Variants in HS6ST2 observed in about 807,000 individuals in gnomAD.
HS6ST2 encodes the protein heparan sulfate 6-O-sulfotransferase 2, also known as heparan-sulfate 6-O-sulfotransferase 2.
HS6ST2 carries 17 observed loss-of-function variants against 33.0 expected under a neutral mutation model. The ratio of observed to expected loss-of-function variants is 0.52; its 90% CI spans 0.35 to 0.77. The LOEUF is 0.77. Ranked by LOEUF, HS6ST2 falls within the 30% of genes least tolerant of loss-of-function variation. HS6ST2 has a pLI of 0.01. For missense variants in HS6ST2, 519 were observed against 551.7 expected, an observed-to-expected ratio of 0.94 and a Z score of 0.59; for synonymous variants, 248 against 237.1, an observed-to-expected ratio of 1.05 and a Z score of -0.42.
chrX:132,837,332 CGTGTGTGT>C (rs10592129), intron 2 of HS6ST2, among the ~76,000 whole-genome samples: 3 of 103,328 alleles, frequency 2.9e-5, no homozygotes, highest in Admixed American at 1.0e-4. Context: ...ACAGTATAGC[CGTGTGTGT>C]GTGTGTGTGT....
chrX:132,763,482 G>A (rs1349099124), intron 2 of HS6ST2, among the ~76,000 whole-genome samples: 1 of 112,143 alleles, frequency 8.9e-6, no homozygotes, highest in Non-Finnish European at 1.9e-5. Flanking sequence ...CGGAGAAACA[G>A]CAGACAGTGC....
At chrX:132,944,344 T>G (rs901549718) in intron 2 of HS6ST2, among the ~76,000 whole-genome samples, 14 of 110,976 alleles carry the variant, frequency 1.3e-4, no homozygotes, top group Non-Finnish European at 3.8e-5. Context: ...CACTGCTCGA[T>G]GAAACAAGAG....
intron 2 of HS6ST2, among the ~76,000 whole-genome samples, chrX:132,901,738 C>T (rs2066427938): frequency 9.0e-6 from 1 of 111,162 alleles, no homozygotes; most frequent in Non-Finnish European, 1.9e-5. Flanking sequence ...TGAGATGGAC[C>T]TTGAAGAATG....
At chrX:132,905,245 A>C (rs1427955271) in intron 2 of HS6ST2, among the ~76,000 whole-genome samples, 2 of 112,154 alleles carry the variant, frequency 1.8e-5, no homozygotes, top group Non-Finnish European at 3.8e-5. Flanking sequence ...AACTGAATAT[A>C]TGAACTTTTC....
At position 132,669,165 on chromosome X, in the gene HS6ST2, C is replaced by T. The variant is rs1342110072; in HGVS notation, c.1015G>A (p.Gly339Ser). Reference sequence around the variant, plus strand: ...TTTGTGGATGACGGAGAGTTGGCGCCTGCGTTAGTGTTTGGAGAACCCCGT... The same window carrying T: ...TTTGTGGATGACGGAGAGTTGGCGCTTGCGTTAGTGTTTGGAGAACCCCGT... ...DKRGSPNTNAGANSPSSTKTR... is the reference protein window; with the variant it reads ...DKRGSPNTNASANSPSSTKTR... The change falls in exon 4 of 5, where the codon GGC (glycine) becomes AGC (serine). Residue 339 changes from glycine to serine, a missense_variant. Transcript: ENST00000370833. 4.1e-6 allele frequency: 5 copies of T among 1,210,166 alleles called. No homozygotes were observed. Among genetic ancestry groups the T allele is most frequent in the Admixed American group, 4.3e-5 (2 of 46,008 alleles).
chrX:132,939,235 T>C (rs1313731354), intron 2 of HS6ST2, among the ~76,000 whole-genome samples: 1 of 111,574 alleles, frequency 9.0e-6, no homozygotes, highest in Non-Finnish European at 1.9e-5. Flanking sequence ...ATCCAAACTC[T>C]ATCATTTGTA....
intron 2 of HS6ST2, among the ~76,000 whole-genome samples, chrX:132,790,442 T>A (rs961002875): frequency 1.8e-5 from 2 of 112,126 alleles, no homozygotes; most frequent in African/African-American, 6.5e-5. Context: ...AACCAAAAAA[T>A]TCATGTGACT....
intron 2 of HS6ST2, among the ~76,000 whole-genome samples, chrX:132,714,995 A>G (rs1392785761): frequency 8.9e-6 from 1 of 112,248 alleles, no homozygotes; most frequent in Non-Finnish European, 1.9e-5. Context: ...ACCTAAAGCA[A>G]TGACTAATAC....
chrX:132,932,154 T>C (rs1473469231), intron 2 of HS6ST2, among the ~76,000 whole-genome samples: 4 of 100,234 alleles, frequency 4.0e-5, no homozygotes, highest in East Asian at 6.4e-4. Flanking sequence ...CCACTGCACT[T>C]CAGCCTGGGT....
intron 2 of HS6ST2, among the ~76,000 whole-genome samples, chrX:132,781,647 G>A (rs1418027387): frequency 9.0e-6 from 1 of 111,430 alleles, no homozygotes; most frequent in Non-Finnish European, 1.9e-5. Flanking sequence ...ACATGGCTGG[G>A]GAGGCCTCAG....
intron 2 of HS6ST2, among the ~76,000 whole-genome samples, chrX:132,787,301 A>AT (rs1478873906): frequency 1.1e-5 from 1 of 92,783 alleles, no homozygotes; most frequent in Non-Finnish European, 2.1e-5. Flanking sequence ...ATATATATAT[A>AT]TATTTTTTCA....
chrX:132,784,018 G>A (rs759669412), intron 2 of HS6ST2, among the ~76,000 whole-genome samples: 3 of 111,512 alleles, frequency 2.7e-5, no homozygotes, highest in African/African-American at 3.3e-5. Context: ...GCAAGGTGCC[G>A]AAGGAATTTG....
In HS6ST2 at chrX:132,749,449, CT is replaced by C; in HGVS notation, c.948-40956del. Among the ~76,000 whole-genome samples, 3 of 112,604 alleles carry C rather than the reference CT, an allele frequency of 2.7e-5. No individual in the cohort carries two copies. The Admixed American group carries it at 2.8e-4, about 11-fold the overall frequency. ...CCCACAGACACACTTGTTTTGGGGG[CT>C]TGGGGAGGTACATATTTGGCCGTGT... On this transcript the variant is annotated intron_variant, in intron 2 of 4. Coordinates refer to ENST00000370833, the MANE Select transcript of HS6ST2 (RefSeq NM_001394073.1).
intron 2 of HS6ST2, among the ~76,000 whole-genome samples, chrX:132,954,868 G>T (rs1350808261): frequency 8.9e-6 from 1 of 111,917 alleles, no homozygotes; most frequent in Non-Finnish European, 1.9e-5. Flanking sequence ...AGGGGTTCTG[G>T]TTATCTTCTG....
At chrX:132,830,936 A>G (rs2065583453) in intron 2 of HS6ST2, among the ~76,000 whole-genome samples, 1 of 111,942 alleles carries the variant, frequency 8.9e-6, no homozygotes, top group Admixed American at 9.6e-5. Flanking sequence ...CCTTTCTGCT[A>G]TTGCCCAAGA....
intron 2 of HS6ST2, among the ~76,000 whole-genome samples, chrX:132,852,737 T>C (rs182795201): frequency 3.2e-3 from 365 of 112,318 alleles, no homozygotes; most frequent in African/African-American, 0.011. Context: ...ATTATGGCCC[T>C]GTAGTTACCT....
intron 2 of HS6ST2, among the ~76,000 whole-genome samples, chrX:132,846,410 T>C (rs774752266): frequency 1.8e-5 from 2 of 112,708 alleles, no homozygotes; most frequent in East Asian, 5.6e-4. Flanking sequence ...GGATGCAATA[T>C]CATTGAAAGC....
At chrX:132,755,229 C>T (rs754816080) in intron 2 of HS6ST2, among the ~76,000 whole-genome samples, 2 of 112,212 alleles carry the variant, frequency 1.8e-5, no homozygotes, top group African/African-American at 6.5e-5. Flanking sequence ...TCCAATAATA[C>T]TAGTATATTT....
At chrX:132,814,687 A>G (rs745468934) in intron 2 of HS6ST2, among the ~76,000 whole-genome samples, 1 of 111,022 alleles carries the variant, frequency 9.0e-6, no homozygotes, top group Non-Finnish European at 1.9e-5. Context: ...AGAACCTGGT[A>G]TATAAAAGGT....
Sources: allele counts gnomAD v4.1 joint callset (sites outside exome capture counted in the v4.1 genomes callset), GRCh38; gene constraint gnomAD v4.1.1; transcripts MANE v1.5; gene names NCBI Gene and HGNC (gene_info 2026-07-23, HGNC 2026-07-21).